Variants in SYTL5 observed in about 807,000 individuals in gnomAD.
SYTL5 encodes synaptotagmin-like protein 5.
SYTL5 carries 34 observed loss-of-function variants against 55.9 expected under a neutral mutation model. The observed-to-expected ratio is 0.61, with a 90% confidence interval of 0.46 to 0.81. The LOEUF (loss-of-function observed/expected upper bound fraction) is 0.81, where lower values mean the gene tolerates loss of function less well. SYTL5 is among the 30% of genes least tolerant of loss of function. The pLI, the probability that SYTL5 is intolerant of heterozygous loss-of-function variation, is 0.00. For missense variants in SYTL5, 637 were observed against 546.7 expected, an observed-to-expected ratio of 1.17 and a Z score of -1.65; for synonymous variants, 221 against 188.7, an observed-to-expected ratio of 1.17 and a Z score of -1.40.
intron 13 of SYTL5, among the ~76,000 whole-genome samples, chrX:38,112,713 A>T (rs926158143): frequency 8.9e-6 from 1 of 111,935 alleles, no homozygotes; most frequent in Non-Finnish European, 1.9e-5. Flanking sequence ...GTGCTTCATT[A>T]GTGGCTCATC....
chrX:37,976,583 C>T, the SYTL5 span, among the ~76,000 whole-genome samples: 4 of 111,494 alleles, frequency 3.6e-5, no homozygotes, highest in African/African-American at 9.8e-5. Context: ...AAGTGAAAGC[C>T]TTTAGTAGCT....
chrX:37,981,347 G>A, the SYTL5 span, among the ~76,000 whole-genome samples: 1 of 111,607 alleles, frequency 9.0e-6, no homozygotes, highest in Non-Finnish European at 1.9e-5. Context: ...CTAGGCTAGA[G>A]TGCAGTGGCG....
intron 1 of SYTL5, among the ~76,000 whole-genome samples, chrX:38,025,001 T>C (rs894210352): frequency 2.7e-5 from 3 of 112,154 alleles, no homozygotes; most frequent in African/African-American, 9.7e-5. Flanking sequence ...GTAAAAGTAC[T>C]ACTTTTTTCT....
At chrX:38,000,240 T>A in the SYTL5 span, among the ~76,000 whole-genome samples, 1 of 112,430 alleles carries the variant, frequency 8.9e-6, no homozygotes, top group African/African-American at 3.2e-5. Flanking sequence ...TGAACACAAA[T>A]GCTTCTCAGT....
chrX:38,117,724 T>G lies in SYTL5; in HGVS notation c.1597-2634T>G, dbSNP rs763822092. On this transcript the variant is annotated intron_variant, in intron 13 of 16. Coordinates refer to ENST00000297875, the MANE Select transcript of SYTL5 (RefSeq NM_138780.3). ...TTGGCTCACTTCCATGTCTTACACA[T>G]GATGTTGACTGCTGGCTAGAAACTC... Among the ~76,000 whole-genome samples, 5 of 111,888 alleles carry G rather than the reference T, an allele frequency of 4.5e-5. No individual in the cohort carries two copies. The East Asian group carries it at 1.4e-3, about 31-fold the overall frequency.
At chrX:37,936,914 G>A in the SYTL5 span, among the ~76,000 whole-genome samples, 1 of 108,686 alleles carries the variant, frequency 9.2e-6, no homozygotes, top group Non-Finnish European at 1.9e-5. Context: ...GCTGGGCGTA[G>A]TGGCAAGTGA....
chrX:38,102,883 C>G (rs1458336296), intron 10 of SYTL5: 1 of 435,268 alleles, frequency 2.3e-6, no homozygotes, highest in Non-Finnish European at 3.9e-6. Context: ...AAAGTCCTTT[C>G]TTACTTTAGT....
At chrX:37,990,981 T>C in the SYTL5 span, 1 of 1,211,909 alleles carries the variant, frequency 8.3e-7, no homozygotes, top group South Asian at 1.8e-5. Flanking sequence ...CCAGAGTTCC[T>C]CCACAATAAA....
the SYTL5 span, among the ~76,000 whole-genome samples, chrX:37,924,114 G>T: frequency 1.8e-5 from 2 of 111,257 alleles, no homozygotes; most frequent in Admixed American, 9.6e-5. Flanking sequence ...AGAAAGTTCT[G>T]CATGCCCTAA....
At chrX:37,981,158 A>T in the SYTL5 span, among the ~76,000 whole-genome samples, 58 of 112,415 alleles carry the variant, frequency 5.2e-4, no homozygotes, top group African/African-American at 1.8e-3. Flanking sequence ...GCATTCTCAA[A>T]AACAGTGGAA....
At chrX:38,060,693 T>C (rs1935920170) in intron 3 of SYTL5, among the ~76,000 whole-genome samples, 1 of 112,076 alleles carries the variant, frequency 8.9e-6, no homozygotes, top group South Asian at 3.7e-4. Context: ...TAAAAAGAAA[T>C]GAGCCATGCC....
intron 3 of SYTL5, among the ~76,000 whole-genome samples, chrX:38,059,747 G>A (rs1239236789): frequency 9.0e-6 from 1 of 111,073 alleles, no homozygotes; most frequent in Non-Finnish European, 1.9e-5. Context: ...TTTCCCACCA[G>A]ATTCTGCCAA....
rs772227891 is a variant in SYTL5, at chrX:38,115,483, C to CAAA, written c.1597-4850_1597-4848dup. On this transcript the variant is annotated intron_variant, in intron 13 of 16. Coordinates refer to ENST00000297875, the MANE Select transcript of SYTL5 (RefSeq NM_138780.3). ...TGGGCGACAGAGCGAGACTCCGTCT[C>CAAA]AAAAAAAAAAAAAAAAAAAAAAAAA... Among the ~76,000 whole-genome samples the CAAA allele has an allele frequency of 2.8e-3, 48 of 17,439 alleles. 6 individuals carry two copies. The highest frequency in any genetic ancestry group is 0.029 in the Middle Eastern group (1 of 34). The allele number at this position is 17,439 out of a possible 115,157, so 15.1% of individuals were successfully genotyped here. A position where few individuals can be genotyped will look rare whatever the true frequency, so the allele number is the denominator to read the frequency against.
chrX:38,071,318 G>A (rs1264638977), intron 3 of SYTL5, among the ~76,000 whole-genome samples: 1 of 111,533 alleles, frequency 9.0e-6, no homozygotes. Context: ...TAAAAGATGG[G>A]TGTGACTATT....
At chrX:37,952,908 T>C in the SYTL5 span, among the ~76,000 whole-genome samples, 1 of 111,034 alleles carries the variant, frequency 9.0e-6, no homozygotes, top group South Asian at 3.8e-4. Context: ...GTGGGTTCAG[T>C]GTAGGAAACA....
the SYTL5 span, among the ~76,000 whole-genome samples, chrX:37,958,497 C>A: frequency 2.7e-5 from 3 of 111,383 alleles, no homozygotes; most frequent in African/African-American, 9.8e-5. Context: ...ATCCCATTAA[C>A]ATATGGATTT....
the SYTL5 span, among the ~76,000 whole-genome samples, chrX:37,935,766 G>GA: frequency 1.8e-5 from 2 of 112,204 alleles, no homozygotes; most frequent in Non-Finnish European, 3.8e-5. Context: ...GAAATGACAA[G>GA]AGAATTAAAA....
At chrX:38,056,929 A>G (rs972902179) in intron 3 of SYTL5, among the ~76,000 whole-genome samples, 6 of 111,482 alleles carry the variant, frequency 5.4e-5, no homozygotes, top group African/African-American at 2.0e-4. Flanking sequence ...CCATTCTGCA[A>G]GTTGTCTCTT....
the SYTL5 span, among the ~76,000 whole-genome samples, chrX:37,952,406 C>T: frequency 9.0e-6 from 1 of 111,350 alleles, no homozygotes; most frequent in Non-Finnish European, 1.9e-5. Context: ...CTTTCCATGA[C>T]AAGGTCAAAA....
Sources: gnomAD v4.1 joint callset for allele counts (sites outside exome capture counted in the v4.1 genomes callset) on GRCh38, gnomAD v4.1.1 for gene constraint, MANE v1.5 for transcripts, NCBI Gene and HGNC (gene_info 2026-07-23, HGNC 2026-07-21) for gene names.